DACH2: variants seen among roughly 807,000 people sequenced by gnomAD.
The protein encoded by DACH2 is dachshund family transcription factor 2, also known as dachshund homolog 2.
In DACH2, 17 loss-of-function variants were observed where a neutral mutation model predicts 35.8. The ratio of observed to expected loss-of-function variants is 0.48; its 90% confidence interval spans 0.33 to 0.71. The LOEUF (loss-of-function observed/expected upper bound fraction) is 0.71. Ranked by LOEUF, DACH2 falls within the 30% of genes least tolerant of loss-of-function variation. The pLI is 0.02. For synonymous variants in DACH2, 195 were observed against 177.3 expected, an observed-to-expected ratio of 1.10 and a Z score of -0.79; for missense variants, 469 against 472.7, an observed-to-expected ratio of 0.99 and a Z score of 0.07.
At chrX:86,371,861 C>G (rs1300613438) in intron 1 of DACH2, among the ~76,000 whole-genome samples, 1 of 111,189 alleles carries the variant, frequency 9.0e-6, no homozygotes, top group African/African-American at 3.3e-5. Flanking sequence ...CTGATGATGT[C>G]TGATGGGAGG....
intron 1 of DACH2, among the ~76,000 whole-genome samples, chrX:86,366,217 A>G (rs1411752189): frequency 9.0e-6 from 1 of 111,014 alleles, no homozygotes; most frequent in Non-Finnish European, 1.9e-5. Flanking sequence ...AAATCAATGC[A>G]CACTCATGGG....
intron 7 of DACH2, among the ~76,000 whole-genome samples, chrX:86,745,995 G>A (rs753175877): frequency 1.5e-3 from 171 of 111,419 alleles, no homozygotes; most frequent in Non-Finnish European, 3.0e-3. Context: ...CAATGATATT[G>A]AACATTTTTT....
chrX:86,428,664 T>A (rs937116370), intron 2 of DACH2, among the ~76,000 whole-genome samples: 17 of 111,602 alleles, frequency 1.5e-4, no homozygotes, highest in Admixed American at 4.8e-4. Context: ...GAAATTTTTT[T>A]AAATATCTTA....
intron 3 of DACH2, among the ~76,000 whole-genome samples, chrX:86,543,711 C>A (rs1008526483): frequency 1.8e-5 from 2 of 108,425 alleles, no homozygotes; most frequent in African/African-American, 3.4e-5. Flanking sequence ...TGATGATTTC[C>A]AATTTCATCC....
chrX:86,378,834 C>T (rs960685927), intron 2 of DACH2, among the ~76,000 whole-genome samples: 5 of 111,128 alleles, frequency 4.5e-5, no homozygotes, highest in Admixed American at 1.9e-4. Flanking sequence ...AGTGGGAGTG[C>T]TTACAAATAA....
At chrX:86,822,299 C>T (rs1380687275) in intron 11 of DACH2, among the ~76,000 whole-genome samples, 1 of 111,325 alleles carries the variant, frequency 9.0e-6, no homozygotes, top group African/African-American at 3.3e-5. Flanking sequence ...GGTTCTGTTC[C>T]AAGATACTCA....
At chrX:86,199,212 G>A (rs1019678592) in intron 1 of DACH2, among the ~76,000 whole-genome samples, 6 of 111,029 alleles carry the variant, frequency 5.4e-5, no homozygotes, top group Non-Finnish European at 1.1e-4. Flanking sequence ...ATAAATTTCG[G>A]CAGCACTTCA....
intron 1 of DACH2, among the ~76,000 whole-genome samples, chrX:86,200,113 C>T (rs1472302386): frequency 9.0e-6 from 1 of 110,602 alleles, no homozygotes; most frequent in Non-Finnish European, 1.9e-5. Context: ...AACAATGGAA[C>T]AGGATAAAGA....
chrX:86,657,930 G>T (rs1422357016), intron 4 of DACH2, among the ~76,000 whole-genome samples: 1 of 111,409 alleles, frequency 9.0e-6, no homozygotes, highest in African/African-American at 3.3e-5. Flanking sequence ...CATATTCCTT[G>T]TAACTTTTTA....
At chrX:86,208,861 A>T (rs1185886505) in intron 1 of DACH2, among the ~76,000 whole-genome samples, 1 of 111,893 alleles carries the variant, frequency 8.9e-6, no homozygotes, top group East Asian at 2.8e-4. Context: ...TAGGGGGCTC[A>T]AAAGTATAAA....
chrX:86,491,310 A>G (rs1477117345), intron 2 of DACH2, among the ~76,000 whole-genome samples: 1 of 111,972 alleles, frequency 8.9e-6, no homozygotes, highest in African/African-American at 3.2e-5. Context: ...TTACTCATAT[A>G]GGTATTTTGT....
rs201907211 is a variant in DACH2, at chrX:86,545,419, T to TA, written c.640+31036dup. Among the ~76,000 whole-genome samples the TA allele has an allele frequency of 3.1e-3, 346 of 110,648 alleles. 3 individuals carry two copies. The highest frequency in any genetic ancestry group is 4.7e-3 in the Middle Eastern group (1 of 212). On this transcript the variant is annotated intron_variant, in intron 3 of 11. Coordinates refer to ENST00000373125, the MANE Select transcript of DACH2 (RefSeq NM_053281.3). ...CCTACTTGAGGGTGGAGGGTGAAGA[T>TA]AAAAAAAACTACCTATTAGATACTA...
chrX:86,556,314 T>G (rs2039117645), intron 3 of DACH2, among the ~76,000 whole-genome samples: 1 of 110,914 alleles, frequency 9.0e-6, no homozygotes, highest in African/African-American at 3.3e-5. Flanking sequence ...GCTTTACATC[T>G]CTTATCTCAT....
At chrX:86,738,059 C>A (rs1011469324) in intron 6 of DACH2, among the ~76,000 whole-genome samples, 5 of 111,773 alleles carry the variant, frequency 4.5e-5, no homozygotes, top group African/African-American at 1.6e-4. Context: ...TCTGACCCTT[C>A]TTTTCTGCCT....
At chrX:86,472,846 G>T (rs776614390) in intron 2 of DACH2, among the ~76,000 whole-genome samples, 1 of 111,966 alleles carries the variant, frequency 8.9e-6, no homozygotes, top group Non-Finnish European at 1.9e-5. Context: ...AATATCGATA[G>T]ATTAGCCTTA....
At chrX:86,227,796 A>C (rs2032858933) in intron 1 of DACH2, among the ~76,000 whole-genome samples, 1 of 110,614 alleles carries the variant, frequency 9.0e-6, no homozygotes, top group Non-Finnish European at 1.9e-5. Flanking sequence ...TCAACCCATC[A>C]TTTGAAAAAC....
chrX:86,290,692 T>A (rs1478949437), intron 1 of DACH2, among the ~76,000 whole-genome samples: 1 of 103,106 alleles, frequency 9.7e-6, no homozygotes, highest in Non-Finnish European at 2.0e-5. Context: ...CCTTTCCCCA[T>A]TGCTTGTTTT....
intron 4 of DACH2, among the ~76,000 whole-genome samples, chrX:86,674,693 C>G (rs2040807262): frequency 9.0e-6 from 1 of 111,722 alleles, no homozygotes; most frequent in Non-Finnish European, 1.9e-5. Context: ...GTCTGTTACC[C>G]TTCTGCATTT....
At chrX:86,393,002 C>T (rs2036226909) in intron 2 of DACH2, among the ~76,000 whole-genome samples, 1 of 110,071 alleles carries the variant, frequency 9.1e-6, no homozygotes, top group African/African-American at 3.3e-5. Flanking sequence ...TAATAAATAT[C>T]CTATAATGCA....
Sources: allele counts gnomAD v4.1 joint callset (sites outside exome capture counted in the v4.1 genomes callset), GRCh38; gene constraint gnomAD v4.1.1; transcripts MANE v1.5; gene names NCBI Gene and HGNC (gene_info 2026-07-23, HGNC 2026-07-21).